FRMPD4: variants seen among roughly 807,000 people sequenced by gnomAD.
FRMPD4 encodes FERM and PDZ domain-containing protein 4.
FRMPD4 carries 22 observed loss-of-function variants against 94.1 expected under a neutral mutation model. The observed-to-expected ratio is 0.23, with a 90% CI of 0.17 to 0.33. The LOEUF is 0.33. Ranked by LOEUF, FRMPD4 falls within the 10% of genes least tolerant of loss-of-function variation. The pLI, the probability that FRMPD4 is intolerant of heterozygous loss-of-function variation, is 1.00. For missense variants in FRMPD4, 1,111 were observed against 1,339.9 expected (o/e 0.83, Z 2.67); for synonymous variants, 631 against 548.6 (o/e 1.15, Z -2.10).
intron 3 of FRMPD4, among the ~76,000 whole-genome samples, chrX:11,973,203 T>C (rs2054349984): frequency 8.9e-6 from 1 of 112,823 alleles, no homozygotes; most frequent in African/African-American, 3.2e-5. Context: ...GTTTTGTGTC[T>C]ATTAATTCAG....
intron 3 of FRMPD4, among the ~76,000 whole-genome samples, chrX:12,610,645 G>T (rs1419593281): frequency 2.7e-5 from 3 of 110,702 alleles, no homozygotes; most frequent in Non-Finnish European, 5.7e-5. Flanking sequence ...CTACTCGGGA[G>T]ACTGAGGCAT....
chrX:12,690,122 T>A, intron 7 of FRMPD4, 73 bp from the exon 8 acceptor site: 1 of 862,380 alleles, frequency 1.2e-6, no homozygotes, highest in Non-Finnish European at 1.6e-6. Context: ...GTGTAACACT[T>A]TTCAGTCATG....
At chrX:12,352,099 G>A (rs965349218) in intron 1 of FRMPD4, among the ~76,000 whole-genome samples, 2 of 111,916 alleles carry the variant, frequency 1.8e-5, no homozygotes, top group East Asian at 2.8e-4. Flanking sequence ...TGTTAGCACC[G>A]ATTCATTCTC....
At chrX:12,356,328 G>A (rs577564462) in intron 1 of FRMPD4, among the ~76,000 whole-genome samples, 1 of 112,263 alleles carries the variant, frequency 8.9e-6, no homozygotes, top group South Asian at 3.7e-4. Flanking sequence ...CAAAATCAAA[G>A]CCACTATTTA....
chrX:12,411,229 G>A (rs1173467792), intron 1 of FRMPD4, among the ~76,000 whole-genome samples: 1 of 111,824 alleles, frequency 8.9e-6, no homozygotes. Flanking sequence ...GATAAGCCAC[G>A]CTTTTGTAAG....
intron 1 of FRMPD4, among the ~76,000 whole-genome samples, chrX:12,406,281 T>G (rs1227582069): frequency 8.9e-6 from 1 of 111,845 alleles, no homozygotes; most frequent in Admixed American, 9.5e-5. Context: ...TTCAGGAAAT[T>G]TTCTGTCTTG....
In FRMPD4 at chrX:12,294,485, C is replaced by CACACACAG. The variant is rs34874624; in HGVS notation, c.41+155474_41+155475insCACACAGA. On this transcript the variant is annotated intron_variant, in intron 1 of 16. Transcript: ENST00000675598. ...ATAACTGTACACACACACACACACA[C>CACACACAG]AGAGAGAGAGAGAGAGAGAGTTTTA... 4.4e-3 allele frequency among the ~76,000 whole-genome samples: 404 copies of CACACACAG among 92,096 alleles called. 2 individuals carry two copies. The highest frequency in any genetic ancestry group is 0.015 in the African/African-American group (377 of 25,081). The allele number at this position is 92,096 out of a possible 115,157, so 80.0% of individuals were successfully genotyped here.
At chrX:12,448,190 T>C (rs373484729) in intron 1 of FRMPD4, among the ~76,000 whole-genome samples, 1 of 112,394 alleles carries the variant, frequency 8.9e-6, no homozygotes, top group Admixed American at 9.4e-5. Flanking sequence ...AAGCCTCTCT[T>C]AAAATTTATT....
intron 10 of FRMPD4, among the ~76,000 whole-genome samples, chrX:12,703,850 C>G (rs1287522998): frequency 5.4e-5 from 6 of 111,648 alleles, no homozygotes; most frequent in African/African-American, 2.0e-4. Context: ...CAGGAACTGG[C>G]TGGGACAAAA....
intron 1 of FRMPD4, among the ~76,000 whole-genome samples, chrX:12,385,689 TG>T (rs2056387242): frequency 8.9e-6 from 1 of 112,419 alleles, no homozygotes; most frequent in African/African-American, 3.2e-5. Flanking sequence ...CAAGAGGCTT[TG>T]GTGAATTTTA....
chrX:12,514,906 G>C (rs1048611027), intron 2 of FRMPD4, among the ~76,000 whole-genome samples: 7 of 111,805 alleles, frequency 6.3e-5, no homozygotes, highest in Admixed American at 2.8e-4. Context: ...CTTGTTATTG[G>C]TCTATTCAGG....
intron 1 of FRMPD4, among the ~76,000 whole-genome samples, chrX:12,329,355 G>A (rs1230464775): frequency 9.0e-6 from 1 of 111,224 alleles, no homozygotes; most frequent in East Asian, 2.8e-4. Context: ...TTTATGGCTG[G>A]CTCTGTGGCA....
At chrX:12,173,959 G>T (rs1601660111) in intron 1 of FRMPD4, among the ~76,000 whole-genome samples, 1 of 111,455 alleles carries the variant, frequency 9.0e-6, no homozygotes, top group Non-Finnish European at 1.9e-5. Context: ...CCAGCTTACT[G>T]TCCCAGGCTG....
intron 1 of FRMPD4, among the ~76,000 whole-genome samples, chrX:11,836,023 G>T (rs7066380): frequency 0.048 from 5,334 of 111,485 alleles, 302 homozygotes; most frequent in African/African-American, 0.17. Context: ...TCAGTGGAAA[G>T]AAACAGTATA....
At chrX:11,971,059 G>A (rs186597886) in intron 3 of FRMPD4, among the ~76,000 whole-genome samples, 245 of 112,025 alleles carry the variant, frequency 2.2e-3, no homozygotes, top group Non-Finnish European at 3.9e-3. Flanking sequence ...TCTACTGGGC[G>A]TCCTACATTT....
At chrX:12,460,292 T>C (rs1385742224) in intron 1 of FRMPD4, among the ~76,000 whole-genome samples, 1 of 112,130 alleles carries the variant, frequency 8.9e-6, no homozygotes, top group Non-Finnish European at 1.9e-5. Flanking sequence ...TATATTTCTT[T>C]TATGGCTCAT....
At chrX:11,978,190 C>T (rs2054377373) in intron 3 of FRMPD4, among the ~76,000 whole-genome samples, 1 of 107,780 alleles carries the variant, frequency 9.3e-6, no homozygotes, top group African/African-American at 3.4e-5. Flanking sequence ...GGTGTGGTGG[C>T]AGGTACCTGT....
At chrX:12,089,667 T>C (rs1230455707) in intron 3 of FRMPD4, among the ~76,000 whole-genome samples, 1 of 112,359 alleles carries the variant, frequency 8.9e-6, no homozygotes, top group Non-Finnish European at 1.9e-5. Context: ...CATTGATTTG[T>C]ACAATTATCT....
chrX:12,244,383 A>G (rs1204385230), intron 1 of FRMPD4, among the ~76,000 whole-genome samples: 6 of 111,259 alleles, frequency 5.4e-5, no homozygotes, highest in Non-Finnish European at 1.1e-4. Flanking sequence ...GTGGATGGGG[A>G]GATGGTTTTT....
Sources: allele counts gnomAD v4.1 joint callset (sites outside exome capture counted in the v4.1 genomes callset), GRCh38; gene constraint gnomAD v4.1.1; transcripts MANE v1.5; gene names NCBI Gene and HGNC (gene_info 2026-07-23, HGNC 2026-07-21).